Variants in TENM4 observed in about 807,000 individuals in gnomAD.
TENM4 encodes the protein teneurin-4.
TENM4 carries 82 observed loss-of-function variants against 243.3 expected under a neutral mutation model. The ratio of observed to expected loss-of-function variants is 0.34; its 90% CI spans 0.28 to 0.40. The LOEUF is 0.40. TENM4 is among the 10% of genes least tolerant of loss of function. TENM4 has a pLI of 1.00. For synonymous variants in TENM4, 1,412 were observed against 1,456.3 expected (o/e 0.97, Z 0.69); for missense variants, 3,138 against 3,673.3 (o/e 0.85, Z 3.77).
At chr11:78,764,317 G>C (rs1305989040) in intron 18 of TENM4, among the ~76,000 whole-genome samples, 4 of 152,200 alleles carry the variant, frequency 2.6e-5, no homozygotes, top group Admixed American at 1.3e-4. Context: ...CTGGGAATTT[G>C]GTCCATTATC....
At chr11:78,668,825 A>G (rs1858229880) in intron 32 of TENM4, 112 bp downstream of exon 32, 1 of 1,346,586 alleles carries the variant, frequency 7.4e-7, no homozygotes. Context: ...GCTCTAAGAG[A>G]AAGTCAGTGT....
At chr11:79,296,740 C>T (rs540006275) in intron 2 of TENM4, among the ~76,000 whole-genome samples, 14 of 152,350 alleles carry the variant, frequency 9.2e-5, no homozygotes, top group African/African-American at 3.1e-4. Context: ...ACTCTTTCAG[C>T]CATCGTTTTC....
At chr11:79,282,162 C>T (rs499949) in intron 2 of TENM4, among the ~76,000 whole-genome samples, 88,222 of 152,100 alleles carry the variant, frequency 0.58, 27,494 homozygotes, top group African/African-American at 0.81. Context: ...TTAAAAAGTA[C>T]TGAAAAGGAT....
At chr11:79,073,519 T>C (rs1274841745) in intron 4 of TENM4, among the ~76,000 whole-genome samples, 1 of 152,246 alleles carries the variant, frequency 6.6e-6, no homozygotes, top group Non-Finnish European at 1.5e-5. Flanking sequence ...TGTCTTCTTA[T>C]TAAGCCTCAA....
intron 4 of TENM4, among the ~76,000 whole-genome samples, chr11:79,138,769 T>C (rs1284528759): frequency 4.5e-5 from 5 of 111,884 alleles, no homozygotes; most frequent in South Asian, 2.6e-4. Flanking sequence ...TATAAATACA[T>C]AAAACATACA....
At chr11:79,022,688 A>G (rs1565171274) in intron 6 of TENM4, among the ~76,000 whole-genome samples, 1 of 152,232 alleles carries the variant, frequency 6.6e-6, no homozygotes, top group Non-Finnish European at 1.5e-5. Flanking sequence ...CCAAATAAGG[A>G]CAAAAATTAA....
At chr11:79,405,989 G>A (rs1471160102) in intron 1 of TENM4, among the ~76,000 whole-genome samples, 3 of 152,120 alleles carry the variant, frequency 2.0e-5, no homozygotes, top group Non-Finnish European at 4.4e-5. Flanking sequence ...CCCAGAGCTG[G>A]GACCAGAATC....
At chr11:78,685,795 C>T (rs1383323802) in intron 29 of TENM4, among the ~76,000 whole-genome samples, 2 of 152,180 alleles carry the variant, frequency 1.3e-5, no homozygotes, top group African/African-American at 4.8e-5. Context: ...CTTGGTCAGG[C>T]AAGATCTTGG....
chr11:78,970,219 G>C (rs897991090), intron 6 of TENM4, among the ~76,000 whole-genome samples: 3 of 152,080 alleles, frequency 2.0e-5, no homozygotes, highest in African/African-American at 7.2e-5. Flanking sequence ...TGCTTGAATA[G>C]ACTATCCTGC....
intron 6 of TENM4, among the ~76,000 whole-genome samples, chr11:78,968,793 C>G (rs1048514408): frequency 1.3e-5 from 2 of 152,198 alleles, no homozygotes; most frequent in African/African-American, 4.8e-5. Context: ...CCCATAACTT[C>G]AATGCTGTTT....
chr11:78,712,960 C>A (rs1160417632), intron 25 of TENM4, among the ~76,000 whole-genome samples: 3 of 152,074 alleles, frequency 2.0e-5, no homozygotes, highest in African/African-American at 4.8e-5. Flanking sequence ...ACTATTCTTG[C>A]AAAAACCCCT....
intron 28 of TENM4, among the ~76,000 whole-genome samples, chr11:78,696,751 C>A (rs1231846444): frequency 6.6e-6 from 1 of 152,190 alleles, no homozygotes; most frequent in African/African-American, 2.4e-5. Context: ...TCCTGCCGTT[C>A]TCTAACTCCC....
chr11:79,062,610 A>G (rs1228719739), intron 6 of TENM4, among the ~76,000 whole-genome samples: 1 of 152,262 alleles, frequency 6.6e-6, no homozygotes, highest in East Asian at 1.9e-4. Flanking sequence ...ATTTGACCAC[A>G]GAACAGCCCC....
intron 2 of TENM4, among the ~76,000 whole-genome samples, chr11:79,290,980 A>G (rs1440115657): frequency 6.6e-6 from 1 of 152,196 alleles, no homozygotes; most frequent in East Asian, 1.9e-4. Context: ...GCAATGAAGC[A>G]TGCTATCTGC....
chr11:78,929,063 C>T (rs1221162238), intron 6 of TENM4, among the ~76,000 whole-genome samples: 2 of 152,202 alleles, frequency 1.3e-5, no homozygotes, highest in Admixed American at 6.5e-5. Context: ...CCTCCCTGCA[C>T]CTGCAGCTGG....
rs145482483 is a variant in TENM4 at position 79,036,277 on chromosome 11, T to C, written c.493+28461A>G. Among the ~76,000 whole-genome samples the C allele has an allele frequency of 2.6e-3, 396 of 152,354 alleles. 1 individual carries two copies. The highest frequency in any genetic ancestry group is 8.8e-3 in the African/African-American group (367 of 41,582). On this transcript the variant is annotated intron_variant, in intron 6 of 33. Transcript: ENST00000278550. ...CAGGCATCCTTCTCCTTTGCTTATA[T>C]AAACTCCACGATGAGTGTTGTTCCT...
chr11:78,673,263 G>A (rs762911489), intron 30 of TENM4, among the ~76,000 whole-genome samples: 5 of 152,130 alleles, frequency 3.3e-5, no homozygotes, highest in Non-Finnish European at 7.4e-5. Context: ...ATTTGGATCT[G>A]CCCTGTAGGC....
chr11:79,353,539 G>A (rs1452609608), intron 1 of TENM4, among the ~76,000 whole-genome samples: 1 of 152,162 alleles, frequency 6.6e-6, no homozygotes, highest in Non-Finnish European at 1.5e-5. Flanking sequence ...CCACAAACAT[G>A]CCATCCTAGA....
intron 23 of TENM4, among the ~76,000 whole-genome samples, chr11:78,724,646 T>G (rs939052969): frequency 6.6e-6 from 1 of 152,176 alleles, no homozygotes; most frequent in Non-Finnish European, 1.5e-5. Context: ...TATCCACCCT[T>G]TCCTTCTTTT....
Sources: gnomAD v4.1 joint callset for allele counts (sites outside exome capture counted in the v4.1 genomes callset) on GRCh38, gnomAD v4.1.1 for gene constraint, MANE v1.5 for transcripts, NCBI Gene and HGNC (gene_info 2026-07-23, HGNC 2026-07-21) for gene names.